Variants in EPHA6 observed in about 807,000 individuals in gnomAD.
The protein encoded by EPHA6 is ephrin type-A receptor 6.
A neutral mutation model predicts 112.0 loss-of-function variants in EPHA6; 50 were observed. The observed-to-expected ratio is 0.45, with a 90% CI of 0.36 to 0.56. EPHA6 has a LOEUF of 0.56. Among genes scored for constraint, EPHA6 ranks in the 20% least tolerant of loss-of-function variants. The pLI is 0.00. For missense variants in EPHA6, 1,280 were observed against 1,417.4 expected (o/e 0.90, Z 1.56); for synonymous variants, 529 against 490.7 (o/e 1.08, Z -1.03).
chr3:97,510,127 T>C (rs1249027161), intron 10 of EPHA6, among the ~76,000 whole-genome samples: 2 of 152,218 alleles, frequency 1.3e-5, no homozygotes, highest in Non-Finnish European at 1.5e-5. Context: ...TACATTGGGT[T>C]AGAACATGCT....
chr3:97,111,520 TG>T (rs2047723706), intron 3 of EPHA6, among the ~76,000 whole-genome samples: 1 of 152,156 alleles, frequency 6.6e-6, no homozygotes, highest in Non-Finnish European at 1.5e-5. Flanking sequence ...AAACAGCTTC[TG>T]GGTGGGCAGG....
intron 5 of EPHA6, among the ~76,000 whole-genome samples, chr3:97,401,510 G>A (rs1294680121): frequency 1.3e-5 from 2 of 151,604 alleles, no homozygotes; most frequent in Admixed American, 1.3e-4. Flanking sequence ...TATTCTTGTG[G>A]TATCAGTTAT....
intron 3 of EPHA6, among the ~76,000 whole-genome samples, chr3:97,051,916 G>A (rs1030162878): frequency 3.3e-5 from 5 of 152,100 alleles, no homozygotes; most frequent in East Asian, 1.9e-4. Context: ...TACTCGATCC[G>A]CTAGCCATAT....
chr3:97,149,245 A>T (rs962505544), intron 3 of EPHA6, among the ~76,000 whole-genome samples: 1 of 152,140 alleles, frequency 6.6e-6, no homozygotes, highest in Non-Finnish European at 1.5e-5. Flanking sequence ...TTTGATGCAC[A>T]TGGCCTGCCC....
At chr3:96,829,949 G>GCGCGCGCACACACACA (rs373416797) in intron 1 of EPHA6, among the ~76,000 whole-genome samples, 1 of 136,034 alleles carries the variant, frequency 7.4e-6, no homozygotes, top group African/African-American at 3.0e-5. Context: ...GCGCGCGCGC[G>GCGCGCGCACACACACA]CACACACACA....
At chr3:97,409,375 T>A in intron 6 of EPHA6, among the ~76,000 whole-genome samples, 1 of 152,104 alleles carries the variant, frequency 6.6e-6, no homozygotes, top group East Asian at 1.9e-4. Flanking sequence ...CTAGCTAATT[T>A]ACTCCTAACA....
Position 97,747,551 on chromosome 3 carries a change from T to C in EPHA6, c.3257T>C (p.Leu1086Pro), listed in dbSNP as rs2035769356. The C allele has an allele frequency of 4.4e-6, 7 of 1,606,698 alleles. No individual in the cohort carries two copies. Among genetic ancestry groups the C allele is most frequent in the Admixed American group, 1.7e-5 (1 of 59,018 alleles). ...GCAGCAGGGTTTACAACATTTGACC[T>C]GATTTCAAGAATGAGCATTGAGTAA... ...FVAAGFTTFD[L>P]ISRMSIDDIR... is the part of the protein sequence containing the mutation. Residue 1086 changes from leucine (L) to proline (P), a missense_variant, in exon 17 of 18, where the codon CTG becomes CCG. Physicochemically the swap from Leu to Pro is moderately conservative, Grantham distance 98. This residue lies in a region of EPHA6 where 145 missense variants were observed against 153.3 expected (regional missense o/e 0.95). Transcript: ENST00000389672.
intron 14 of EPHA6, among the ~76,000 whole-genome samples, chr3:97,700,131 T>C (rs1025463919): frequency 4.6e-5 from 7 of 152,230 alleles, no homozygotes; most frequent in African/African-American, 1.7e-4. Context: ...ATGTGTTCGC[T>C]AACCATGAAG....
chr3:97,322,825 A>G (rs530173646), intron 5 of EPHA6, among the ~76,000 whole-genome samples: 1 of 152,146 alleles, frequency 6.6e-6, no homozygotes, highest in Non-Finnish European at 1.5e-5. Context: ...TGTTTTAATT[A>G]TGGTATTTGA....
chr3:97,479,277 T>G lies in EPHA6; in HGVS notation c.2004-17T>G. On this transcript the variant is annotated splice_polypyrimidine_tract_variant and intron_variant, in intron 8 of 17. Transcript: ENST00000389672. The stretch of plus-strand genomic sequence containing the variant: ...ATACTTCTTAAAACAAGTTTTTTTT[T>G]TTAATCTTTTTAAAAGATGTCAGTG... 1 of 1,547,550 alleles carries G rather than the reference T, an allele frequency of 6.5e-7. No homozygotes were observed. The highest frequency in any genetic ancestry group is 8.7e-7 in the Non-Finnish European group (1 of 1,149,146).
chr3:97,284,922 C>T (rs1324213613), intron 5 of EPHA6, among the ~76,000 whole-genome samples: 1 of 152,098 alleles, frequency 6.6e-6, no homozygotes, highest in Non-Finnish European at 1.5e-5. Flanking sequence ...TATACATTCA[C>T]TATATAACTG....
At chr3:97,349,269 A>G (rs550846540) in intron 5 of EPHA6, among the ~76,000 whole-genome samples, 3 of 152,194 alleles carry the variant, frequency 2.0e-5, no homozygotes, top group Admixed American at 2.0e-4. Flanking sequence ...TAGTTTTGAA[A>G]AGCATTCAAG....
Position 97,476,789 on chromosome 3 carries a change from A to G in EPHA6, c.2003+1329A>G, listed in dbSNP as rs1489706018. ...TTCTAATGTGGTTGAGTTAAAAATGATGACTTATTTGTGAAATTAAGTGGA... is the reference window on the plus strand; with the variant it reads ...TTCTAATGTGGTTGAGTTAAAAATGGTGACTTATTTGTGAAATTAAGTGGA... On this transcript the variant is annotated intron_variant, in intron 8 of 17. Coordinates refer to ENST00000389672, the MANE Select transcript of EPHA6 (RefSeq NM_001080448.3). Among the ~76,000 whole-genome samples the G allele has an allele frequency of 2.0e-5, 3 of 152,160 alleles. No homozygotes were observed. The East Asian group carries it at 5.8e-4, about 29-fold the overall frequency.
At chr3:97,087,520 G>A (rs1434905845) in intron 3 of EPHA6, among the ~76,000 whole-genome samples, 1 of 152,172 alleles carries the variant, frequency 6.6e-6, no homozygotes, top group Admixed American at 6.5e-5. Flanking sequence ...AAGGGAAAGG[G>A]CCACTAGCTA....
chr3:97,276,418 C>G (rs191867769), intron 5 of EPHA6, among the ~76,000 whole-genome samples: 1 of 151,968 alleles, frequency 6.6e-6, no homozygotes, highest in Non-Finnish European at 1.5e-5. Flanking sequence ...TTCCTTGGCT[C>G]GGTGGCCAGA....
In EPHA6 at chr3:97,523,473, C is replaced by T. The variant is rs75056464; in HGVS notation, c.2201-8885C>T. ...TCTATCCTGTAGAATGTTCTGTGTGCACTTGAGAAAAATGTGTATAATGGT... is the reference window on the plus strand; with the variant it reads ...TCTATCCTGTAGAATGTTCTGTGTGTACTTGAGAAAAATGTGTATAATGGT... On this transcript the variant is annotated intron_variant, in intron 10 of 17. Coordinates refer to ENST00000389672, the MANE Select transcript of EPHA6 (RefSeq NM_001080448.3). Among the ~76,000 whole-genome samples the T allele has an allele frequency of 1.3e-3, 200 of 152,070 alleles. 9 individuals carry two copies. The East Asian group carries it at 0.036, about 27-fold the overall frequency.
chr3:97,116,459 T>C (rs914329749), intron 3 of EPHA6, among the ~76,000 whole-genome samples: 14 of 151,772 alleles, frequency 9.2e-5, no homozygotes, highest in African/African-American at 3.4e-4. Flanking sequence ...CCGGAACTTA[T>C]TCATCCTAAC....
intron 3 of EPHA6, among the ~76,000 whole-genome samples, chr3:97,215,653 G>A (rs1446650091): frequency 6.6e-6 from 1 of 151,004 alleles, no homozygotes; most frequent in Non-Finnish European, 1.5e-5. Context: ...TTCAATCACT[G>A]TATCCATATT....
chr3:97,044,987 A>G (rs913325552), intron 3 of EPHA6, among the ~76,000 whole-genome samples: 4 of 152,132 alleles, frequency 2.6e-5, no homozygotes, highest in African/African-American at 9.6e-5. Flanking sequence ...TTAGTAGAAG[A>G]AAACTTTATT....
Sources: allele counts gnomAD v4.1 joint callset (sites outside exome capture counted in the v4.1 genomes callset), GRCh38; gene constraint gnomAD v4.1.1; regional missense constraint gnomAD v4.1.1; transcripts MANE v1.5; gene names NCBI Gene and HGNC (gene_info 2026-07-23, HGNC 2026-07-21).